ATP6AP1: variants seen among roughly 807,000 people sequenced by gnomAD.
ATP6AP1 encodes V-type proton ATPase subunit S1.
ATP6AP1 carries 1 observed loss-of-function variant against 32.0 expected under a neutral mutation model. The observed-to-expected ratio is 0.03, with a 90% CI of 0.01 to 0.15. ATP6AP1 has a LOEUF of 0.15. Among genes scored for constraint, ATP6AP1 ranks in the 10% least tolerant of loss-of-function variants. The pLI is 1.00. For missense variants in ATP6AP1, 297 were observed against 398.8 expected (o/e 0.74, Z 2.17); for synonymous variants, 187 against 174.9 (o/e 1.07, Z -0.55).
rs782611558 is a variant in ATP6AP1, at chrX:154,433,674, A to C, written c.638A>C (p.Glu213Ala). Residue 213 changes from glutamate (E) to alanine (A), a missense_variant, in exon 6 of 10, where the codon GAA (glutamate) becomes GCA (alanine). Coordinates refer to ENST00000369762, the MANE Select transcript of ATP6AP1 (RefSeq NM_001183.6). ...IGQVLSTLKS[E>A]DVPYTAALTA... ...CAGGTCCTGAGCACACTCAAGTCCG[A>C]AGATGTCCCATACACAGCGGCCCTC... 7.4e-6 allele frequency: 9 copies of C among 1,211,977 alleles called. No homozygotes were observed. Among genetic ancestry groups the C allele is most frequent in the Non-Finnish European group, 8.9e-6 (8 of 895,520 alleles).
At chrX:154,428,961 C>T (rs782769631) in intron 1 of ATP6AP1, 87 bp from the exon 2 acceptor site, 3 of 1,165,405 alleles carry the variant, frequency 2.6e-6, no homozygotes, top group African/African-American at 1.8e-5. Context: ...CTGTTCCTTG[C>T]TCGGGGGCTC....
At chrX:154,430,753 T>C (rs1000689552) in intron 2 of ATP6AP1, 31 of 111,196 alleles carry the variant, frequency 2.8e-4, no homozygotes, top group African/African-American at 9.8e-4. Context: ...GGAGGTGATA[T>C]ATGAGCAGCG....
Position 154,435,204 on chromosome X carries a change from T to C in ATP6AP1, c.971+18T>C, listed in dbSNP as rs2068712609. 2 of 1,209,921 alleles carry C rather than the reference T, an allele frequency of 1.7e-6. No individual in the cohort carries two copies. Among genetic ancestry groups the C allele is most frequent in the African/African-American group, 1.7e-5 (1 of 57,773 alleles). On this transcript the variant is annotated intron_variant, in intron 8 of 9. Coordinates refer to ENST00000369762, the MANE Select transcript of ATP6AP1 (RefSeq NM_001183.6). Reference sequence around the variant, plus strand: ...ACATTCAAGTGAGTCCTGGGGGTGGTTGAGGTATGGGTGGGCTGGTGTGGC... The same window carrying C: ...ACATTCAAGTGAGTCCTGGGGGTGGCTGAGGTATGGGTGGGCTGGTGTGGC...
chrX:154,429,256 C>T, intron 2 of ATP6AP1, 82 bp downstream of exon 2: 1 of 1,114,376 alleles, frequency 9.0e-7, no homozygotes, highest in Non-Finnish European at 1.2e-6. Context: ...CGCCCATTCC[C>T]CAAGGGAAGC....
chrX:154,435,466 G>A lies in ATP6AP1; in HGVS notation c.1164G>A (p.Thr388=), dbSNP rs782117222. Residue 388 remains threonine (T), a synonymous_variant, in exon 9 of 10, where the codon ACG becomes ACA. Transcript: ENST00000369762. ...AGGGTAGTCTCCTCGTGGCCCGCAC[G>A]CAGCCCTCTCCCTGGCAGATGATGC... The part of the protein sequence containing the change: ...SKKGSLLVAR[T]QPSPWQMMLQ... 1.7e-5 allele frequency: 20 copies of A among 1,210,445 alleles called. No homozygotes were observed. Among genetic ancestry groups the A allele is most frequent in the African/African-American group, 5.2e-5 (3 of 57,368 alleles).
intron 5 of ATP6AP1, among the ~76,000 whole-genome samples, chrX:154,433,433 C>T (rs782274640): frequency 8.1e-5 from 9 of 111,476 alleles, no homozygotes; most frequent in South Asian, 7.6e-4. Context: ...ATTAGGGAAT[C>T]GATGACTGAA....
chrX:154,432,058 C>A, intron 3 of ATP6AP1, among the ~76,000 whole-genome samples, 154 bp downstream of exon 3: 1 of 112,213 alleles, frequency 8.9e-6, no homozygotes, highest in Non-Finnish European at 1.9e-5. Flanking sequence ...ACAACAAAAG[C>A]CACCTCATAC....
Position 154,434,149 on chromosome X carries a change from G to A in ATP6AP1, c.685-59G>A. The A allele has an allele frequency of 7.1e-6, 8 of 1,120,307 alleles. No individual in the cohort carries two copies. The South Asian group carries it at 7.4e-5, about 10-fold the overall frequency. The allele number at this position is 1,120,307 out of a possible 1,213,427, so 92.3% of individuals were successfully genotyped here. On this transcript the variant is annotated intron_variant, in intron 6 of 9. Transcript: ENST00000369762. ...AGGGGAAGGAGGGCACGACAATTGGGTTCAAGTGTGACACTCTCCCAGGGC... is the reference window on the plus strand; with the variant it reads ...AGGGGAAGGAGGGCACGACAATTGGATTCAAGTGTGACACTCTCCCAGGGC...
At chrX:154,434,505 G>A in intron 7 of ATP6AP1, 59 bp downstream of exon 7, 1 of 1,105,538 alleles carries the variant, frequency 9.0e-7, no homozygotes, top group Non-Finnish European at 1.2e-6. Flanking sequence ...CATCACTGTG[G>A]GTCGCAGGTG....
intron 2 of ATP6AP1, chrX:154,430,433 C>G (rs918760656): frequency 1.8e-5 from 2 of 111,965 alleles, no homozygotes; most frequent in Non-Finnish European, 3.8e-5. Flanking sequence ...AGGGGGAATT[C>G]TTATAATCCA....
intron 2 of ATP6AP1, 81 bp from the exon 3 acceptor site, chrX:154,431,749 C>T: frequency 1.0e-6 from 1 of 980,120 alleles, no homozygotes; most frequent in Non-Finnish European, 1.4e-6. Context: ...CCTGAGAATG[C>T]ACGGGGAAGG....
intron 3 of ATP6AP1, 97 bp downstream of exon 3, chrX:154,432,001 G>C: frequency 1.1e-6 from 1 of 951,596 alleles, no homozygotes; most frequent in Non-Finnish European, 1.5e-6. Flanking sequence ...GGGTTACTTG[G>C]GTCTGAGTCT....
chrX:154,436,117 C>T lies in ATP6AP1; in HGVS notation c.*226C>T. ...TCTGCGTAGATGCTAGACCAACCAG[C>T]TTCCCAGGGTTCGTCGCTGTGAGGC... On this transcript the variant is annotated 3_prime_UTR_variant, in exon 10 of 10. Coordinates refer to ENST00000369762, the MANE Select transcript of ATP6AP1 (RefSeq NM_001183.6). 2.3e-6 allele frequency: 1 copy of T among 428,130 alleles called. No individual in the cohort carries two copies. The allele number at this position is 428,130 out of a possible 1,213,427, so 35.3% of individuals were successfully genotyped here. A position where few individuals can be genotyped will look rare whatever the true frequency, so the allele number is the denominator to read the frequency against.
intron 2 of ATP6AP1, 123 bp from the exon 3 acceptor site, chrX:154,431,707 C>A: frequency 1.6e-6 from 1 of 618,096 alleles, no homozygotes. Flanking sequence ...CTCCACCATA[C>A]TGAACCTGAC....
chrX:154,435,660 C>G, intron 9 of ATP6AP1, 22 bp from the exon 10 acceptor site: 1 of 1,208,614 alleles, frequency 8.3e-7, no homozygotes, highest in African/African-American at 1.7e-5. Flanking sequence ...TCCTTTCTGA[C>G]CCGTGTCTGT....
In ATP6AP1 at chrX:154,435,565, G is replaced by A. The variant is rs2068715007; in HGVS notation, c.1203+60G>A. 2.1e-5 allele frequency: 25 copies of A among 1,184,820 alleles called. No homozygotes were observed. The Middle Eastern group carries it at 3.4e-3, about 163-fold the overall frequency. On this transcript the variant is annotated intron_variant, in intron 9 of 9. Coordinates refer to ENST00000369762, the MANE Select transcript of ATP6AP1 (RefSeq NM_001183.6). ...GAGCCCAGGCTAGTGGTTGAGAGAC[G>A]AAGAGAGGCTTGGGCTTGGGCATGT...
In ATP6AP1 at chrX:154,432,336, C is replaced by A; in HGVS notation, c.434C>A (p.Thr145Asn). 8.2e-7 allele frequency: 1 copy of A among 1,212,406 alleles called. No homozygotes were observed. ...GACTGGTATGCAGTCAGCACTCTGACCACTTACCTGCAGGAGAAGCTCGGG... is the reference window on the plus strand; with the variant it reads ...GACTGGTATGCAGTCAGCACTCTGAACACTTACCTGCAGGAGAAGCTCGGG... ...AVDWYAVSTLTTYLQEKLGAS... is the reference protein window; with the variant it reads ...AVDWYAVSTLNTYLQEKLGAS... Residue 145 changes from threonine to asparagine, a missense_variant, in exon 4 of 10, where the codon ACC (threonine) becomes AAC (asparagine). Transcript: ENST00000369762.
In ATP6AP1 at chrX:154,428,787, TGGCGGCGGC is replaced by T. The variant is rs781797236; in HGVS notation, c.108_116del (p.Ala39_Ala41del). ...CCGTGGCTGCCGGTGTTTTTGTCGT[TGGCGGCGGC>T]GGCGGCGGCGGCAGCGGCGGAGCAG... is the stretch of plus-strand genomic sequence containing the variant. On this transcript the variant is annotated inframe_deletion, in exon 1 of 10. Coordinates refer to ENST00000369762, the MANE Select transcript of ATP6AP1 (RefSeq NM_001183.6). 11 of 1,124,743 alleles carry T rather than the reference TGGCGGCGGC, an allele frequency of 9.8e-6. No homozygotes were observed. The East Asian group carries it at 1.4e-4, about 15-fold the overall frequency. 92.7% of individuals were successfully genotyped at this position (1,124,743 alleles called of 1,213,427 possible). A position where few individuals can be genotyped will look rare whatever the true frequency, so the allele number is the denominator to read the frequency against.
In ATP6AP1 at chrX:154,428,806, GGCA is replaced by G. The variant is rs1569553183; in HGVS notation, c.117_119del (p.Ala41del). The G allele has an allele frequency of 9.0e-7, 1 of 1,115,984 alleles. No homozygotes were observed. The highest frequency in any genetic ancestry group is 3.0e-5 in the Admixed American group (1 of 32,886). 92.0% of individuals were successfully genotyped at this position (1,115,984 alleles called of 1,213,427 possible). Reference sequence around the variant, plus strand: ...TGTCGTTGGCGGCGGCGGCGGCGGCGGCAGCGGCGGAGCAGCAGGTCCCGCTGG... The same window carrying G: ...TGTCGTTGGCGGCGGCGGCGGCGGCGGCGGCGGAGCAGCAGGTCCCGCTGG... On this transcript the variant is annotated inframe_deletion, in exon 1 of 10. Transcript: ENST00000369762.
Sources: gnomAD v4.1 joint callset for allele counts (sites outside exome capture counted in the v4.1 genomes callset) on GRCh38, gnomAD v4.1.1 for gene constraint, MANE v1.5 for transcripts, NCBI Gene and HGNC (gene_info 2026-07-23, HGNC 2026-07-21) for gene names.